Variants in HDLBP observed in about 807,000 individuals in gnomAD.
HDLBP encodes high density lipoprotein binding protein.
HDLBP carries 30 observed loss-of-function variants against 137.3 expected under a neutral mutation model. The observed-to-expected ratio is 0.22, with a 90% CI of 0.16 to 0.30. The LOEUF is 0.30. Among genes scored for constraint, HDLBP ranks in the 10% least tolerant of loss-of-function variants. The pLI is 1.00. For missense variants in HDLBP, 1,119 were observed against 1,667.3 expected (o/e 0.67, Z 5.73); for synonymous variants, 606 against 596.0 (o/e 1.02, Z -0.24).
intron 16 of HDLBP, 145 bp from the exon 17 acceptor site, chr2:241,242,823 C>T: frequency 1.4e-6 from 1 of 722,522 alleles, no homozygotes; most frequent in Non-Finnish European, 2.4e-6. Flanking sequence ...GACCAAACTT[C>T]TCCAAGCCAT....
Position 241,230,360 on chromosome 2 carries a change from G to GT in HDLBP, c.3475-92dup. 1 of 825,034 alleles carries GT rather than the reference G, an allele frequency of 1.2e-6. No individual in the cohort carries two copies. 51.1% of individuals were successfully genotyped at this position (825,034 alleles called of 1,614,324 possible). A position where few individuals can be genotyped will look rare whatever the true frequency, so the allele number is the denominator to read the frequency against. Reference sequence around the variant, plus strand: ...CAATTTCTAGTGAAGCATTTTCTGAGTTAGCAAACGTTTTAAAATCTGGTT... The same window carrying GT: ...CAATTTCTAGTGAAGCATTTTCTGAGTTTAGCAAACGTTTTAAAATCTGGTT... On this transcript the variant is annotated intron_variant, in intron 25 of 27. Transcript: ENST00000310931. This position sits in a 1 kb window ranked among gnomAD's most constrained non-coding sequence, Gnocchi z 5.0.
intron 1 of HDLBP, among the ~76,000 whole-genome samples, chr2:241,288,389 T>C (rs1559546104): frequency 3.8e-5 from 3 of 78,450 alleles, no homozygotes; most frequent in Non-Finnish European, 7.8e-5. Flanking sequence ...TTCTGTCCAG[T>C]TGCCTGCACA....
chr2:241,290,638 A>G (rs1373540962), intron 1 of HDLBP, among the ~76,000 whole-genome samples: 1 of 151,884 alleles, frequency 6.6e-6, no homozygotes, highest in East Asian at 1.9e-4. Context: ...ATCAGACTCT[A>G]AACTCTAAAA....
Position 241,229,486 on chromosome 2 carries a change from G to T in HDLBP, c.*115C>A. 2 of 764,830 alleles carry T rather than the reference G, an allele frequency of 2.6e-6. No homozygotes were observed. The highest frequency in any genetic ancestry group is 2.7e-5 in the East Asian group (1 of 36,900). 47.4% of individuals were successfully genotyped at this position (764,830 alleles called of 1,614,324 possible). On this transcript the variant is annotated 3_prime_UTR_variant, in exon 28 of 28. Coordinates refer to ENST00000310931, the MANE Select transcript of HDLBP (RefSeq NM_005336.6). Reference sequence around the variant, plus strand: ...AGGCTCCCTGCGGGACCTCGGGAAGGGGGAAGAGCGTCAACAATTTACGGA... The same window carrying T: ...AGGCTCCCTGCGGGACCTCGGGAAGTGGGAAGAGCGTCAACAATTTACGGA...
In HDLBP at chr2:241,262,924, C is replaced by T. The variant is rs2073316311; in HGVS notation, c.237G>A (p.Val79=). The stretch of plus-strand genomic sequence containing the variant: ...TTCTCTCCTCCAGGGGTACATGGAA[C>T]ACCTGCTCAAAAAAGATCAAAAAAG... ...RPIKASVITQ[V]FHVPLEERKY... The change falls in exon 5 of 28, where the codon GTG becomes GTA. Residue 79 remains valine (V), a splice_region_variant and synonymous_variant. Transcript: ENST00000310931. 9.3e-6 allele frequency: 15 copies of T among 1,611,692 alleles called. No homozygotes were observed. In the East Asian group the frequency reaches 2.7e-4, roughly 29 times the overall value.
intron 1 of HDLBP, among the ~76,000 whole-genome samples, chr2:241,289,520 G>C (rs901832481): frequency 6.6e-6 from 1 of 152,198 alleles, no homozygotes; most frequent in Non-Finnish European, 1.5e-5. Context: ...ACCGGACTCA[G>C]ATCAGAACAT....
intron 1 of HDLBP, chr2:241,315,169 G>C (rs925150639): frequency 2.0e-5 from 3 of 152,200 alleles, no homozygotes; most frequent in Non-Finnish European, 4.4e-5. Context: ...GCGGGGCGGC[G>C]GGCCCCAGCC....
chr2:241,284,235 AG>A (rs1300091662), intron 1 of HDLBP, among the ~76,000 whole-genome samples: 1 of 152,232 alleles, frequency 6.6e-6, no homozygotes, highest in African/African-American at 2.4e-5. Flanking sequence ...TGCCATAGAT[AG>A]TTATTCCTCT....
At chr2:241,286,364 A>C (rs556947827) in intron 1 of HDLBP, among the ~76,000 whole-genome samples, 2 of 152,320 alleles carry the variant, frequency 1.3e-5, no homozygotes, top group East Asian at 1.9e-4. Context: ...CGTGCTTCCC[A>C]TTCTCTTCAA....
intron 1 of HDLBP, among the ~76,000 whole-genome samples, chr2:241,302,935 G>A (rs1343692440): frequency 1.3e-5 from 2 of 152,196 alleles, no homozygotes; most frequent in Admixed American, 6.5e-5. Context: ...CCTGGCCCGA[G>A]GTAAGAGAGT....
intron 1 of HDLBP, among the ~76,000 whole-genome samples, chr2:241,299,221 A>G (rs1056791863): frequency 1.3e-5 from 2 of 152,180 alleles, no homozygotes; most frequent in Non-Finnish European, 2.9e-5. Flanking sequence ...CTGTGATTAG[A>G]AAAACTAAAC....
In HDLBP at chr2:241,253,484, A is replaced by G; in HGVS notation, c.1202T>C (p.Phe401Ser). 1 of 1,612,710 alleles carries G rather than the reference A, an allele frequency of 6.2e-7. No individual in the cohort carries two copies. The highest frequency in any genetic ancestry group is 8.5e-7 in the Non-Finnish European group (1 of 1,178,748). ...GGTGATCTTGTCTTCGCCCTCTGTG[A>G]ACTCGATGTGAACCTACCACACCAA... Reference protein sequence around the residue: ...TQQMPKVHIEFTEGEDKITLE... With the variant: ...TQQMPKVHIESTEGEDKITLE... The change falls in exon 10 of 28, where the codon TTC (phenylalanine) becomes TCC (serine). Residue 401 changes from phenylalanine (F) to serine (S), a missense_variant. Coordinates refer to ENST00000310931, the MANE Select transcript of HDLBP (RefSeq NM_005336.6).
rs1559508224 is a variant in HDLBP, at chr2:241,255,153, A to G, written c.1086T>C (p.Asn362=). The change falls in exon 9 of 28, where the codon AAT becomes AAC. Residue 362 remains asparagine (N), a synonymous_variant. Transcript: ENST00000310931. The stretch of plus-strand genomic sequence containing the variant: ...CGGCGACAGAGGAGACGGTGAAGCT[A>G]TTGGCCTAAGAAAATGGGAGAACAG... The part of the protein sequence containing the change: ...QALTEVYAKA[N]SFTVSSVAAP... The G allele has an allele frequency of 6.2e-7, 1 of 1,613,844 alleles. No homozygotes were observed. The highest frequency in any genetic ancestry group is 8.5e-7 in the Non-Finnish European group (1 of 1,179,766).
chr2:241,256,059 G>A (rs758167082), intron 7 of HDLBP, 125 bp downstream of exon 7: 30 of 787,568 alleles, frequency 3.8e-5, no homozygotes, highest in Non-Finnish European at 6.1e-5. Context: ...CAAGTGTAGA[G>A]ACAATAAGCA....
chr2:241,280,004 G>A (rs1435549432), intron 1 of HDLBP: 11 of 985,270 alleles, frequency 1.1e-5, no homozygotes, highest in Non-Finnish European at 1.3e-5. Context: ...GCGGACCAGG[G>A]GTCATCTCCA....
chr2:241,284,254 T>C (rs2074722503), intron 1 of HDLBP, among the ~76,000 whole-genome samples: 1 of 152,232 alleles, frequency 6.6e-6, no homozygotes, highest in South Asian at 2.1e-4. Context: ...TCTCATGGAT[T>C]TGGGCAAAGT....
At chr2:241,247,171 A>G (rs1266648053) in intron 14 of HDLBP, 29 bp from the exon 15 acceptor site, 2 of 1,403,840 alleles carry the variant, frequency 1.4e-6, no homozygotes, top group Non-Finnish European at 2.0e-6. Flanking sequence ...AGCCCGATTC[A>G]CCACCTGTGC....
chr2:241,281,107 G>T (rs1203636488), intron 1 of HDLBP, among the ~76,000 whole-genome samples: 1 of 152,222 alleles, frequency 6.6e-6, no homozygotes. Context: ...TGTAATCCCA[G>T]CACTTTGGGA....
Position 241,233,434 on chromosome 2 carries a change from A to G in HDLBP, c.3288+386T>C, listed in dbSNP as rs190211534. On this transcript the variant is annotated intron_variant, in intron 24 of 27. Coordinates refer to ENST00000310931, the MANE Select transcript of HDLBP (RefSeq NM_005336.6). This position sits in a 1 kb window ranked among gnomAD's most constrained non-coding sequence, Gnocchi z 4.3. Reference sequence around the variant, plus strand: ...GGTGTTTGCAGCTGGGGCTGCAGAGAAATGTCCACCTGACCCCAAGAGGCC... The same window carrying G: ...GGTGTTTGCAGCTGGGGCTGCAGAGGAATGTCCACCTGACCCCAAGAGGCC... 7.1e-4 allele frequency among the ~76,000 whole-genome samples: 108 copies of G among 152,282 alleles called. No individual in the cohort carries two copies. The highest frequency in any genetic ancestry group is 2.3e-3 in the African/African-American group (97 of 41,560).
Sources: gnomAD v4.1 joint callset for allele counts (sites outside exome capture counted in the v4.1 genomes callset) on GRCh38, gnomAD v4.1.1 for gene constraint, Gnocchi (gnomAD v3.1) non-coding constraint, MANE v1.5 for transcripts, NCBI Gene and HGNC (gene_info 2026-07-23, HGNC 2026-07-21) for gene names.